PPIH: variants seen among roughly 807,000 people sequenced by gnomAD.
PPIH encodes the protein peptidylprolyl isomerase H.
PPIH carries 16 observed loss-of-function variants against 27.6 expected under a neutral mutation model. That is an observed-to-expected ratio of 0.58 (90% CI 0.39 to 0.88). The LOEUF (loss-of-function observed/expected upper bound fraction) is 0.88. PPIH is among the 40% of genes least tolerant of loss of function. The pLI, the probability that PPIH is intolerant of heterozygous loss-of-function variation, is 0.00. For missense variants in PPIH, 155 were observed against 224.1 expected, an observed-to-expected ratio of 0.69 and a Z score of 1.97; for synonymous variants, 63 against 76.1, an observed-to-expected ratio of 0.83 and a Z score of 0.90.
intron 6 of PPIH, 88 bp downstream of exon 6, chr1:42,665,043 G>A: frequency 9.1e-7 from 1 of 1,095,188 alleles, no homozygotes; most frequent in African/African-American, 1.6e-5. Flanking sequence ...TGGGATGGAA[G>A]CAAATGCTTT....
At position 42,672,884 on chromosome 1, in the gene PPIH, T is replaced by A. The variant is rs140942170; in HGVS notation, c.*22-3700T>A. Among the ~76,000 whole-genome samples the A allele has an allele frequency of 2.6e-5, 4 of 152,182 alleles. No individual in the cohort carries two copies. The East Asian group carries it at 7.7e-4, about 29-fold the overall frequency. On this transcript the variant is annotated intron_variant, in intron 9 of 9. Transcript: ENST00000304979. ...GGCTCGTCTCAAACTCCTGATCTCATGTGATCTGCCCGCCTTGACTTCCCA... is the reference window on the plus strand; with the variant it reads ...GGCTCGTCTCAAACTCCTGATCTCAAGTGATCTGCCCGCCTTGACTTCCCA...
At chr1:42,670,021 A>C (rs1243757657) in intron 9 of PPIH, among the ~76,000 whole-genome samples, 1 of 152,240 alleles carries the variant, frequency 6.6e-6, no homozygotes, top group Non-Finnish European at 1.5e-5. Context: ...CTCTGTTCAG[A>C]AAGCTGGCAC....
At chr1:42,673,570 T>A (rs1649747886) in intron 9 of PPIH, among the ~76,000 whole-genome samples, 1 of 152,216 alleles carries the variant, frequency 6.6e-6, no homozygotes. Flanking sequence ...TTTGGGGCAC[T>A]CGTTAAACCT....
At chr1:42,673,254 G>T (rs1348088132) in intron 9 of PPIH, among the ~76,000 whole-genome samples, 1 of 152,150 alleles carries the variant, frequency 6.6e-6, no homozygotes, top group Non-Finnish European at 1.5e-5. Context: ...CAAAGTGCTG[G>T]AATTACAGGC....
chr1:42,664,217 A>G (rs980117744), intron 5 of PPIH, among the ~76,000 whole-genome samples: 1 of 152,230 alleles, frequency 6.6e-6, no homozygotes, highest in Non-Finnish European at 1.5e-5. Flanking sequence ...AGTGCTCGCT[A>G]CACATCTGTG....
chr1:42,667,876 C>G (rs1461372016), intron 9 of PPIH, among the ~76,000 whole-genome samples: 1 of 152,226 alleles, frequency 6.6e-6, no homozygotes, highest in Non-Finnish European at 1.5e-5. Flanking sequence ...AGAACTGATA[C>G]TGCAATTCCA....
At chr1:42,678,502 C>T (rs756610209), downstream of PPIH, among the ~76,000 whole-genome samples, 2 of 152,280 alleles carry the variant, frequency 1.3e-5, no homozygotes, top group Admixed American at 6.5e-5. Context: ...CAGGTTCAAG[C>T]GATTCTCCTG....
intron 4 of PPIH, among the ~76,000 whole-genome samples, chr1:42,659,805 G>A (rs1223632456): frequency 1.3e-5 from 2 of 152,170 alleles, no homozygotes; most frequent in Non-Finnish European, 2.9e-5. Flanking sequence ...TCATGCACTT[G>A]TTTGTGCGAA....
chr1:42,669,174 T>A (rs1649497854), intron 9 of PPIH, among the ~76,000 whole-genome samples: 1 of 145,680 alleles, frequency 6.9e-6, no homozygotes, highest in Non-Finnish European at 1.5e-5. Context: ...CACACCACTG[T>A]ACTCCAGCCT....
intron 7 of PPIH, 51 bp downstream of exon 7, chr1:42,666,118 A>G (rs755821242): frequency 5.9e-6 from 9 of 1,521,786 alleles, no homozygotes; most frequent in Non-Finnish European, 8.2e-6. Flanking sequence ...CCTGGATGGA[A>G]CCTCCAGAGG....
At chr1:42,675,342 C>T (rs1368938753) in intron 9 of PPIH, 1 of 152,314 alleles carries the variant, frequency 6.6e-6, no homozygotes, top group Admixed American at 6.5e-5. Context: ...GAATCCATTG[C>T]TGATCCCTCC....
intron 5 of PPIH, 54 bp from the exon 6 acceptor site, chr1:42,664,809 G>T: frequency 1.4e-6 from 2 of 1,418,516 alleles, no homozygotes; most frequent in South Asian, 1.2e-5. Context: ...TCTTCCTCCG[G>T]TTTCCAGGGA....
At chr1:42,671,336 G>A (rs534230816) in intron 9 of PPIH, among the ~76,000 whole-genome samples, 6 of 152,262 alleles carry the variant, frequency 3.9e-5, no homozygotes, top group South Asian at 2.1e-4. Context: ...ACAAAGGCAC[G>A]AGAATCTCTT....
downstream of PPIH, among the ~76,000 whole-genome samples, chr1:42,677,253 C>G (rs1487641227): frequency 3.3e-5 from 5 of 152,150 alleles, no homozygotes; most frequent in African/African-American, 1.2e-4. Context: ...GTGGACAGAT[C>G]ACTTGAGGCC....
intron 2 of PPIH, 45 bp downstream of exon 2, chr1:42,658,953 CG>C (rs757042012): frequency 6.3e-7 from 1 of 1,598,060 alleles, no homozygotes. Flanking sequence ...AGGCAGAAGT[CG>C]GGCTCCAGTC....
chr1:42,680,262 T>C (rs1649984770), downstream of PPIH, among the ~76,000 whole-genome samples: 1 of 152,244 alleles, frequency 6.6e-6, no homozygotes, highest in African/African-American at 2.4e-5. Context: ...CATGTTTACT[T>C]GGCTGGAGAG....
intron 9 of PPIH, among the ~76,000 whole-genome samples, chr1:42,670,734 C>T (rs559756509): frequency 3.3e-5 from 5 of 152,260 alleles, no homozygotes; most frequent in East Asian, 3.9e-4. Context: ...CATGTGACAA[C>T]GGAACACTTA....
At position 42,658,501 on chromosome 1, in the gene PPIH, A is replaced by C. The variant is rs1648782000; in HGVS notation, c.55A>C (p.Ile19Leu). 1 of 1,613,954 alleles carries C rather than the reference A, an allele frequency of 6.2e-7. No homozygotes were observed. Among genetic ancestry groups the C allele is most frequent in the Non-Finnish European group, 8.5e-7 (1 of 1,179,918 alleles). Residue 19 changes from isoleucine to leucine, a missense_variant, in exon 1 of 10, where the codon ATT becomes CTT. Transcript: ENST00000304979. ...CCCCGTGGTGTTCTTTGATGTCAGT[A>C]TTGGCGGTCAGGTGAGATCCAGGAG... ...VNPVVFFDVSIGGQEVGRMKI... is the reference protein window; with the variant it reads ...VNPVVFFDVSLGGQEVGRMKI...
At chr1:42,659,642 A>C in intron 4 of PPIH, 76 bp downstream of exon 4, 2 of 1,542,890 alleles carry the variant, frequency 1.3e-6, no homozygotes, top group Non-Finnish European at 1.7e-6. Flanking sequence ...GAGGAAAATA[A>C]AACCAGAGGG....
Sources: allele counts gnomAD v4.1 joint callset (sites outside exome capture counted in the v4.1 genomes callset), GRCh38; gene constraint gnomAD v4.1.1; transcripts MANE v1.5; gene names NCBI Gene and HGNC (gene_info 2026-07-23, HGNC 2026-07-21).